The following SRGAP3 variants were observed in gnomAD, a reference collection of about 807,000 sequenced individuals.
The protein encoded by SRGAP3 is SLIT-ROBO Rho GTPase-activating protein 3.
SRGAP3 carries 39 observed loss-of-function variants against 121.1 expected under a neutral mutation model. That is an observed-to-expected ratio of 0.32 (90% CI 0.25 to 0.42). The LOEUF is 0.42. Ranked by LOEUF, SRGAP3 falls within the 10% of genes least tolerant of loss-of-function variation. The probability of loss-of-function intolerance (pLI) is 1.00; values close to 1 mark genes in which losing one functional copy is unlikely to be tolerated. For synonymous variants in SRGAP3, 601 were observed against 570.0 expected (o/e 1.05, Z -0.77); for missense variants, 1,213 against 1,470.6 (o/e 0.82, Z 2.86).
chr3:9,006,665 TA>T (rs1224816239), intron 18 of SRGAP3, among the ~76,000 whole-genome samples: 1 of 152,182 alleles, frequency 6.6e-6, no homozygotes, highest in Non-Finnish European at 1.5e-5. Flanking sequence ...AAAATATCAG[TA>T]AGAGAATGGT....
chr3:9,047,266 A>C (rs2125140946), intron 10 of SRGAP3, 125 bp downstream of exon 10: 1 of 945,170 alleles, frequency 1.1e-6, no homozygotes, highest in East Asian at 2.6e-5. Context: ...AGTCCTGGTA[A>C]GTCCAGGTTC....
At chr3:9,240,899 G>T (rs537667225) in intron 1 of SRGAP3, among the ~76,000 whole-genome samples, 4 of 152,140 alleles carry the variant, frequency 2.6e-5, no homozygotes, top group African/African-American at 7.2e-5. Context: ...CTGACACACC[G>T]CGGTGGCATC....
At chr3:9,203,436 G>T (rs1574861769) in intron 1 of SRGAP3, among the ~76,000 whole-genome samples, 1 of 152,280 alleles carries the variant, frequency 6.6e-6, no homozygotes, top group East Asian at 1.9e-4. Context: ...CAACTATCTT[G>T]TTCATTTATC....
At chr3:9,058,714 C>A in intron 6 of SRGAP3, 1 of 212,824 alleles carries the variant, frequency 4.7e-6, no homozygotes, top group Non-Finnish European at 8.4e-6. Context: ...TTCTCTCTCT[C>A]TTTTTTTTTT....
intron 10 of SRGAP3, among the ~76,000 whole-genome samples, chr3:9,041,078 T>A (rs1172760671): frequency 3.3e-5 from 5 of 152,128 alleles, no homozygotes; most frequent in African/African-American, 1.2e-4. Context: ...ACCAAATGAG[T>A]CAATAAGCAG....
intron 1 of SRGAP3, among the ~76,000 whole-genome samples, chr3:9,163,158 C>T (rs1438922532): frequency 6.6e-6 from 1 of 152,194 alleles, no homozygotes; most frequent in African/African-American, 2.4e-5. Flanking sequence ...GCCCAGGCCT[C>T]AGTCTGTCCA....
At chr3:9,051,871 C>A (rs1945596007) in intron 9 of SRGAP3, among the ~76,000 whole-genome samples, 1 of 152,108 alleles carries the variant, frequency 6.6e-6, no homozygotes, top group Admixed American at 6.5e-5. Context: ...CGCCACCACA[C>A]CCAGCTAATT....
chr3:9,004,640 T>C (rs1279049367), intron 18 of SRGAP3, among the ~76,000 whole-genome samples: 1 of 152,218 alleles, frequency 6.6e-6, no homozygotes, highest in East Asian at 1.9e-4. Context: ...AAGGACTTTT[T>C]TTAACAAGGG....
chr3:9,338,409 GGTCT>G (rs1955728257), intron 1 of SRGAP3, among the ~76,000 whole-genome samples: 2 of 152,154 alleles, frequency 1.3e-5, no homozygotes, highest in Non-Finnish European at 2.9e-5. Context: ...GGTAGAAAGA[GGTCT>G]GTAAGAAATA....
intron 3 of SRGAP3, among the ~76,000 whole-genome samples, chr3:9,317,110 G>A (rs961403756): frequency 2.0e-5 from 3 of 152,180 alleles, no homozygotes; most frequent in African/African-American, 4.8e-5. Context: ...AAAGGGGCCA[G>A]CCAGCAGCCG....
chr3:9,051,349 CCTTGGTATA>C (rs1945566709), intron 9 of SRGAP3, among the ~76,000 whole-genome samples: 1 of 152,158 alleles, frequency 6.6e-6, no homozygotes, highest in African/African-American at 2.4e-5. Flanking sequence ...TTGGCCTTGG[CCTTGGTATA>C]CCCATTAGTC....
chr3:8,985,953 G>A lies in SRGAP3; in HGVS notation c.2887-21C>T. The A allele has an allele frequency of 6.3e-7, 1 of 1,599,610 alleles. No individual in the cohort carries two copies. Among genetic ancestry groups the A allele is most frequent in the Non-Finnish European group, 8.5e-7 (1 of 1,179,898 alleles). On this transcript the variant is annotated intron_variant, in intron 21 of 21. Transcript: ENST00000383836. The surrounding 1 kb of genome is among the most constrained non-coding windows in gnomAD (Gnocchi z 5.1). ...ATGTCCTGGGGACAGAGGGAGCTGG[G>A]GTCAGCACAGTCTGGAGACCTGGAG...
chr3:9,315,349 C>G (rs140881646), intron 3 of SRGAP3, among the ~76,000 whole-genome samples: 1 of 152,218 alleles, frequency 6.6e-6, no homozygotes, highest in Admixed American at 6.5e-5. Context: ...GGACCACAAC[C>G]CCCTCCTTAA....
intron 10 of SRGAP3, among the ~76,000 whole-genome samples, chr3:9,046,115 C>T: frequency 1.3e-5 from 2 of 151,838 alleles, no homozygotes; most frequent in Non-Finnish European, 2.9e-5. Flanking sequence ...CTTCCCCCCT[C>T]CTACCCCCTA....
intron 1 of SRGAP3, among the ~76,000 whole-genome samples, chr3:9,144,742 A>G (rs1575140492): frequency 6.6e-6 from 1 of 152,328 alleles, no homozygotes; most frequent in East Asian, 1.9e-4. Flanking sequence ...GTTCAATCAA[A>G]CATCTTTTTC....
intron 10 of SRGAP3, 26 bp downstream of exon 10, chr3:9,047,365 C>T: frequency 6.2e-7 from 1 of 1,612,512 alleles, no homozygotes; most frequent in Admixed American, 1.7e-5. Flanking sequence ...CAGCACCTCC[C>T]AGAGGGCCTC....
intron 1 of SRGAP3, among the ~76,000 whole-genome samples, chr3:9,155,972 C>T (rs566919335): frequency 5.4e-4 from 82 of 152,232 alleles, no homozygotes; most frequent in Admixed American, 4.6e-4. Flanking sequence ...CCCGCCACCA[C>T]GCCCCGCTAA....
At chr3:9,139,020 T>A (rs1949761056) in intron 1 of SRGAP3, among the ~76,000 whole-genome samples, 1 of 152,096 alleles carries the variant, frequency 6.6e-6, no homozygotes, top group Non-Finnish European at 1.5e-5. Flanking sequence ...GAGGAGAAAC[T>A]GAGGAACAGA....
chr3:9,167,695 G>A (rs1169302728), intron 1 of SRGAP3, among the ~76,000 whole-genome samples: 1 of 152,182 alleles, frequency 6.6e-6, no homozygotes, highest in Non-Finnish European at 1.5e-5. Flanking sequence ...GGAAGGAGGA[G>A]AATCCAGCTC....
Sources: gnomAD v4.1 joint callset for allele counts (sites outside exome capture counted in the v4.1 genomes callset) on GRCh38, gnomAD v4.1.1 for gene constraint, Gnocchi (gnomAD v3.1) non-coding constraint, MANE v1.5 for transcripts, NCBI Gene and HGNC (gene_info 2026-07-23, HGNC 2026-07-21) for gene names.